Variants in ST13 observed in about 807,000 individuals in gnomAD.
ST13 encodes hsc70-interacting protein.
Under a neutral mutation model 56.7 loss-of-function variants are expected in ST13, and 23 were observed. The ratio of observed to expected loss-of-function variants is 0.41; its 90% CI spans 0.29 to 0.57. ST13 has a LOEUF of 0.57. Among genes scored for constraint, ST13 ranks in the 20% least tolerant of loss-of-function variants. The pLI, the probability that ST13 is intolerant of heterozygous loss-of-function variation, is 0.36. For missense variants in ST13, 369 were observed against 459.9 expected (o/e 0.80, Z 1.81); for synonymous variants, 132 against 142.4 (o/e 0.93, Z 0.52).
intron 3 of ST13, among the ~76,000 whole-genome samples, chr22:40,846,925 G>A (rs867941683): frequency 7.9e-5 from 12 of 152,048 alleles, no homozygotes; most frequent in Non-Finnish European, 1.3e-4. Context: ...AACCCAGGAG[G>A]GAGAGGTTGC....
At chr22:40,833,766 G>A (rs1002005827) in intron 7 of ST13, among the ~76,000 whole-genome samples, 3 of 151,872 alleles carry the variant, frequency 2.0e-5, no homozygotes, top group African/African-American at 7.3e-5. Context: ...AGCTACTTGG[G>A]AGGCTGAGGC....
At chr22:40,844,618 C>G (rs926286394) in intron 4 of ST13, among the ~76,000 whole-genome samples, 2 of 152,190 alleles carry the variant, frequency 1.3e-5, no homozygotes, top group South Asian at 4.1e-4. Context: ...TGCAAGCAGT[C>G]ACACCAGATG....
At chr22:40,829,582 C>T in intron 10 of ST13, 44 bp downstream of exon 10, 1 of 980,710 alleles carries the variant, frequency 1.0e-6, no homozygotes, top group East Asian at 2.9e-5. Flanking sequence ...TAAAATATCA[C>T]TGTATAATAG....
chr22:40,851,659 A>G lies in ST13; in HGVS notation c.111-779T>C, dbSNP rs78818977. ...CACAACAGTTGGAAGCAACGTAGAC[A>G]TTATTAAAATTTGCCTTAAAAACAA... On this transcript the variant is annotated intron_variant, in intron 1 of 11. Transcript: ENST00000216218. Among the ~76,000 whole-genome samples the G allele has an allele frequency of 3.2e-3, 485 of 152,344 alleles. 3 individuals are homozygous for G. The highest frequency in any genetic ancestry group is 7.8e-3 in the African/African-American group (326 of 41,590).
chr22:40,826,717 A>G (rs1277988498), intron 11 of ST13, 51 bp from the exon 12 acceptor site: 1 of 1,593,316 alleles, frequency 6.3e-7, no homozygotes, highest in African/African-American at 1.3e-5. Flanking sequence ...CTGGGTCAGT[A>G]AGTTTATTAT....
At chr22:40,848,036 C>T (rs377080871) in intron 3 of ST13, among the ~76,000 whole-genome samples, 10 of 151,664 alleles carry the variant, frequency 6.6e-5, no homozygotes, top group African/African-American at 2.2e-4. Context: ...GACAAGAGCA[C>T]GACTCCATCT....
At position 40,835,899 on chromosome 22, in the gene ST13, CAA is replaced by C. The variant is rs1188864498; in HGVS notation, c.383-14_383-13del. ...TTTCTGGAGTTCACCTAAAGTGAAA[CAA>C]AAGTTATCGAGAAATATTCAGAGGA... On this transcript the variant is annotated splice_polypyrimidine_tract_variant and intron_variant, in intron 5 of 11. Transcript: ENST00000216218. 6.3e-7 allele frequency: 1 copy of C among 1,593,210 alleles called. No individual in the cohort carries two copies. Among genetic ancestry groups the C allele is most frequent in the South Asian group, 1.1e-5 (1 of 89,206 alleles).
chr22:40,827,242 A>G lies in ST13; in HGVS notation c.848-13T>C, dbSNP rs1277283083. 2 of 1,612,912 alleles carry G rather than the reference A, an allele frequency of 1.2e-6. No individual in the cohort carries two copies. The highest frequency in any genetic ancestry group is 2.7e-5 in the African/African-American group (2 of 74,922). ...CCAGGAAAGCCACCTGTAATAAAAAATGAATAGACACTAATCATACTCCCA... is the reference window on the plus strand; with the variant it reads ...CCAGGAAAGCCACCTGTAATAAAAAGTGAATAGACACTAATCATACTCCCA... On this transcript the variant is annotated splice_polypyrimidine_tract_variant and intron_variant, in intron 10 of 11. Coordinates refer to ENST00000216218, the MANE Select transcript of ST13 (RefSeq NM_003932.5).
intron 1 of ST13, 41 bp downstream of exon 1, chr22:40,856,390 T>A: frequency 6.5e-7 from 1 of 1,548,778 alleles, no homozygotes; most frequent in Non-Finnish European, 8.9e-7. Context: ...CCTGGGGCCG[T>A]GCTTCCCCCG....
intron 7 of ST13, among the ~76,000 whole-genome samples, chr22:40,834,268 G>C (rs1294022132): frequency 1.3e-5 from 2 of 152,196 alleles, no homozygotes; most frequent in Non-Finnish European, 2.9e-5. Flanking sequence ...CTGGGCAACA[G>C]AGTGAGACTC....
intron 5 of ST13, among the ~76,000 whole-genome samples, chr22:40,839,143 T>C (rs530721653): frequency 6.6e-6 from 1 of 152,266 alleles, no homozygotes; most frequent in African/African-American, 2.4e-5. Flanking sequence ...TTCAGGAAGG[T>C]AAACTATTAA....
At chr22:40,850,962 C>A (rs1040087890) in intron 1 of ST13, 82 bp from the exon 2 acceptor site, 2 of 962,954 alleles carry the variant, frequency 2.1e-6, no homozygotes, top group Admixed American at 2.6e-5. Flanking sequence ...TAAAAAATAA[C>A]GTTAGACATT....
chr22:40,836,655 G>A (rs909679784), intron 5 of ST13, among the ~76,000 whole-genome samples: 9 of 151,990 alleles, frequency 5.9e-5, no homozygotes, highest in Admixed American at 5.2e-4. Context: ...TCAAAGAAAT[G>A]GTACAAAAAT....
intron 4 of ST13, among the ~76,000 whole-genome samples, chr22:40,843,272 A>G (rs928355644): frequency 1.3e-5 from 2 of 152,234 alleles, no homozygotes; most frequent in Non-Finnish European, 2.9e-5. Flanking sequence ...TTTAGATTTA[A>G]CACAATTCTA....
Position 40,831,592 on chromosome 22 carries a change from A to G in ST13, c.682-636T>C, listed in dbSNP as rs375730163. Among the ~76,000 whole-genome samples the G allele has an allele frequency of 1.1e-3, 163 of 152,328 alleles. 3 individuals carry two copies. In the South Asian group the frequency reaches 0.033, roughly 30 times the overall value. On this transcript the variant is annotated intron_variant, in intron 8 of 11. Coordinates refer to ENST00000216218, the MANE Select transcript of ST13 (RefSeq NM_003932.5). ...TTTAGCTTGTTTACACTTTGCTGAC[A>G]AAGTTACAACTTTGCCCTATTTTAA...
At chr22:40,847,243 A>C (rs1469298611) in intron 3 of ST13, among the ~76,000 whole-genome samples, 1 of 150,546 alleles carries the variant, frequency 6.6e-6, no homozygotes, top group African/African-American at 2.5e-5. Flanking sequence ...CAGTTATGGG[A>C]AAACTTTTGG....
intron 7 of ST13, among the ~76,000 whole-genome samples, chr22:40,833,366 A>G (rs2057762747): frequency 6.6e-6 from 1 of 151,050 alleles, no homozygotes; most frequent in Non-Finnish European, 1.5e-5. Context: ...TCAGGAGATC[A>G]AGACCATCCT....
In ST13 at chr22:40,856,451, G is replaced by C; in HGVS notation, c.90C>G (p.Phe30Leu). The C allele has an allele frequency of 6.2e-7, 1 of 1,613,594 alleles. No homozygotes were observed. The highest frequency in any genetic ancestry group is 8.5e-7 in the Non-Finnish European group (1 of 1,179,688). ...PSVLHTEEMR[F>L]LREWVESMGG... is the part of the protein sequence containing the mutation. ...CTCACCTCTCCACCCACTCCCTCAG[G>C]AAGCGCATTTCCTCGGTGTGCAGAA... Residue 30 changes from phenylalanine (F) to leucine (L), a missense_variant, in exon 1 of 12, where the codon TTC becomes TTG. This residue lies in a region of ST13 where 169 missense variants were observed against 175.6 expected (regional missense o/e 0.96). Transcript: ENST00000216218.
intron 10 of ST13, 106 bp downstream of exon 10, chr22:40,829,520 A>G (rs1307933159): frequency 2.0e-5 from 10 of 506,052 alleles, no homozygotes; most frequent in East Asian, 1.5e-4. Context: ...ATATCACTGT[A>G]TAAGAGAACA....
Sources: gnomAD v4.1 joint callset for allele counts (sites outside exome capture counted in the v4.1 genomes callset) on GRCh38, gnomAD v4.1.1 for gene constraint, gnomAD v4.1.1 regional missense constraint, MANE v1.5 for transcripts, NCBI Gene and HGNC (gene_info 2026-07-23, HGNC 2026-07-21) for gene names.